FER1L6: variants seen among roughly 807,000 people sequenced by gnomAD.
FER1L6 encodes the protein fer-1 like family member 6.
A neutral mutation model predicts 219.2 loss-of-function variants in FER1L6; 177 were observed. That is an observed-to-expected ratio of 0.81 (90% CI 0.71 to 0.91). The LOEUF (loss-of-function observed/expected upper bound fraction) is 0.91. Ranked by LOEUF, FER1L6 falls within the 40% of genes least tolerant of loss-of-function variation. The probability of loss-of-function intolerance (pLI) is 0.00; values close to 1 mark genes in which losing one functional copy is unlikely to be tolerated. For synonymous variants in FER1L6, 768 were observed against 824.3 expected (o/e 0.93, Z 1.17); for missense variants, 2,153 against 2,259.9 (o/e 0.95, Z 0.96).
At chr8:124,054,392 A>G (rs567811579) in intron 22 of FER1L6, among the ~76,000 whole-genome samples, 30 of 152,362 alleles carry the variant, frequency 2.0e-4, no homozygotes, top group Admixed American at 1.7e-3. Context: ...GCCAGTTACC[A>G]TGGTAAAGAA....
chr8:123,974,680 A>AAAAAAAAG (rs1362934333), intron 7 of FER1L6, among the ~76,000 whole-genome samples: 10 of 148,592 alleles, frequency 6.7e-5, no homozygotes, highest in Admixed American at 1.3e-4. Flanking sequence ...AAAAAAAAAA[A>AAAAAAAAG]AAGAAATGTG....
At chr8:124,033,388 CTAT>C (rs1170196688) in intron 18 of FER1L6, among the ~76,000 whole-genome samples, 1 of 152,000 alleles carries the variant, frequency 6.6e-6, no homozygotes, top group Non-Finnish European at 1.5e-5. Flanking sequence ...TACATTTTGG[CTAT>C]TATTATTAGA....
In FER1L6 at chr8:123,856,316, G is replaced by GTATATATATATATATATATA. The variant is rs1554608009; in HGVS notation, c.-8+4145_-8+4164dup. 1.4e-3 allele frequency among the ~76,000 whole-genome samples: 63 copies of GTATATATATATATATATATA among 45,078 alleles called. 3 individuals carry two copies. Among genetic ancestry groups the GTATATATATATATATATATA allele is most frequent in the African/African-American group, 4.0e-3 (46 of 11,500 alleles). The allele number at this position is 45,078 out of a possible 152,430, so 29.6% of individuals were successfully genotyped here. ...TGTATATATATATATATATGTATGT[G>GTATATATATATATATATATA]TATATATATATATATATATATATAT... On this transcript the variant is annotated intron_variant, in intron 1 of 40. Coordinates refer to ENST00000522917, the MANE Select transcript of FER1L6 (RefSeq NM_001039112.2).
intron 34 of FER1L6, among the ~76,000 whole-genome samples, chr8:124,092,266 G>A (rs978775230): frequency 1.3e-5 from 2 of 151,920 alleles, no homozygotes; most frequent in African/African-American, 2.4e-5. Flanking sequence ...TACTCACATT[G>A]TATTCTTTTT....
intron 1 of FER1L6, among the ~76,000 whole-genome samples, chr8:123,940,210 C>T (rs1406459202): frequency 6.6e-6 from 1 of 152,170 alleles, no homozygotes; most frequent in Non-Finnish European, 1.5e-5. Flanking sequence ...AATGCATTCC[C>T]TCTGGCAGGA....
rs549940853 is a variant in FER1L6 at position 123,867,665 on chromosome 8, G to T, written c.-8+15480G>T. Among the ~76,000 whole-genome samples, 3 of 152,318 alleles carry T rather than the reference G, an allele frequency of 2.0e-5. No homozygotes were observed. The South Asian group carries it at 6.2e-4, about 32-fold the overall frequency. On this transcript the variant is annotated intron_variant, in intron 1 of 40. Coordinates refer to ENST00000522917, the MANE Select transcript of FER1L6 (RefSeq NM_001039112.2). ...AGTTGATTTACCTGCAAAATGCTCA[G>T]AATAGTAGCTGGTACATGGGGAACT...
intron 1 of FER1L6, among the ~76,000 whole-genome samples, chr8:123,911,456 A>G (rs994492642): frequency 1.3e-5 from 2 of 152,186 alleles, no homozygotes; most frequent in Non-Finnish European, 2.9e-5. Flanking sequence ...TCCAGTAGTC[A>G]TGTTTATTAC....
chr8:123,892,380 C>A (rs552943593), intron 1 of FER1L6, among the ~76,000 whole-genome samples: 5 of 152,180 alleles, frequency 3.3e-5, no homozygotes, highest in Middle Eastern at 3.4e-3. Flanking sequence ...CAACTCCTGC[C>A]TCCTGGGTTC....
chr8:123,905,239 C>A (rs1023958138), intron 1 of FER1L6, among the ~76,000 whole-genome samples: 1 of 152,166 alleles, frequency 6.6e-6, no homozygotes, highest in South Asian at 2.1e-4. Context: ...TCTCCCTCCC[C>A]CCAACACCCC....
intron 1 of FER1L6, chr8:123,939,129 A>G (rs1167382363): frequency 1.0e-6 from 1 of 983,400 alleles, no homozygotes; most frequent in Non-Finnish European, 1.2e-6. Context: ...TTGCTGGAAG[A>G]TGGGGCTTGG....
chr8:124,060,923 T>C lies in FER1L6; in HGVS notation c.3147+214T>C, dbSNP rs191401638. The stretch of plus-strand genomic sequence containing the variant: ...CAGCAATCAAAGCAGGTTGACAAAC[T>C]TTTTCCTATAACAGTGGTTCCCAAA... On this transcript the variant is annotated intron_variant, in intron 24 of 40. Coordinates refer to ENST00000522917, the MANE Select transcript of FER1L6 (RefSeq NM_001039112.2). 2.2e-4 allele frequency: 96 copies of C among 436,928 alleles called. No individual in the cohort carries two copies. In the East Asian group the frequency reaches 4.1e-3, roughly 19 times the overall value. 27.1% of individuals were successfully genotyped at this position (436,928 alleles called of 1,614,324 possible).
chr8:123,967,148 A>C (rs1469597703), intron 5 of FER1L6, among the ~76,000 whole-genome samples: 4 of 152,060 alleles, frequency 2.6e-5, no homozygotes, highest in Non-Finnish European at 5.9e-5. Context: ...GTATAACGAT[A>C]TAGAGTAATG....
intron 1 of FER1L6, among the ~76,000 whole-genome samples, chr8:123,940,720 A>G (rs1814206556): frequency 6.6e-6 from 1 of 152,210 alleles, no homozygotes; most frequent in Non-Finnish European, 1.5e-5. Flanking sequence ...AATTGTAAAG[A>G]AAATTCCCAA....
chr8:123,899,866 T>A (rs1489352876), intron 1 of FER1L6, among the ~76,000 whole-genome samples: 5 of 152,192 alleles, frequency 3.3e-5, no homozygotes, highest in African/African-American at 1.2e-4. Flanking sequence ...TGCCTATTTT[T>A]ATACCAGTAC....
intron 1 of FER1L6, among the ~76,000 whole-genome samples, chr8:123,907,767 C>A (rs1023239445): frequency 9.1e-5 from 10 of 110,040 alleles, no homozygotes; most frequent in Non-Finnish European, 1.7e-4. Context: ...AGTAGCAATC[C>A]CAATTTCTCC....
At chr8:124,052,500 C>T (rs748256048) in intron 22 of FER1L6, among the ~76,000 whole-genome samples, 32 of 152,058 alleles carry the variant, frequency 2.1e-4, no homozygotes, top group Non-Finnish European at 3.5e-4. Context: ...AAATGCTTCA[C>T]ATTGGCCAGG....
chr8:124,108,415 A>G (rs917879078), intron 39 of FER1L6, among the ~76,000 whole-genome samples: 1 of 152,194 alleles, frequency 6.6e-6, no homozygotes, highest in African/African-American at 2.4e-5. Flanking sequence ...TAAGTGTTCA[A>G]TAAATGTCAG....
At position 123,911,034 on chromosome 8, in the gene FER1L6, G is replaced by A. The variant is rs76285666; in HGVS notation, c.-7-44958G>A. Among the ~76,000 whole-genome samples, 550 of 152,208 alleles carry A rather than the reference G, an allele frequency of 3.6e-3. 9 individuals are homozygous for A. The highest frequency in any genetic ancestry group is 0.034 in the East Asian group (178 of 5,172). ...GGTACTGAAAAATGGAGCTGTAAAG[G>A]TGATGGTTATCATGACAGTGACGAT... On this transcript the variant is annotated intron_variant, in intron 1 of 40. Coordinates refer to ENST00000522917, the MANE Select transcript of FER1L6 (RefSeq NM_001039112.2).
In FER1L6 at chr8:124,082,284, G is replaced by T. The variant is rs751297622; in HGVS notation, c.4221-4G>T. 2 of 1,609,508 alleles carry T rather than the reference G, an allele frequency of 1.2e-6. No individual in the cohort carries two copies. The highest frequency in any genetic ancestry group is 1.7e-6 in the Non-Finnish European group (2 of 1,177,638). On this transcript the variant is annotated splice_polypyrimidine_tract_variant and splice_region_variant and intron_variant, in intron 32 of 40. Coordinates refer to ENST00000522917, the MANE Select transcript of FER1L6 (RefSeq NM_001039112.2). The stretch of plus-strand genomic sequence containing the variant: ...GACTCTTGAAGTCTCTGCTTGGACC[G>T]CAGGTCATTTGAGATCCAAGCCACA...
Sources: gnomAD v4.1 joint callset for allele counts (sites outside exome capture counted in the v4.1 genomes callset) on GRCh38, gnomAD v4.1.1 for gene constraint, MANE v1.5 for transcripts, NCBI Gene and HGNC (gene_info 2026-07-23, HGNC 2026-07-21) for gene names.